SFMBT1: variants seen among roughly 807,000 people sequenced by gnomAD.
SFMBT1 encodes Scm like with four mbt domains 1.
SFMBT1 carries 32 observed loss-of-function variants against 108.7 expected under a neutral mutation model. That is an observed-to-expected ratio of 0.29 (90% CI 0.22 to 0.40). SFMBT1 has a LOEUF of 0.40. Among genes scored for constraint, SFMBT1 ranks in the 10% least tolerant of loss-of-function variants. The pLI, the probability that SFMBT1 is intolerant of heterozygous loss-of-function variation, is 1.00. For missense variants in SFMBT1, 816 were observed against 1,059.6 expected (o/e 0.77, Z 3.19); for synonymous variants, 348 against 369.5 (o/e 0.94, Z 0.67).
chr3:52,915,710 C>A (rs557583788), intron 14 of SFMBT1, among the ~76,000 whole-genome samples: 1 of 152,316 alleles, frequency 6.6e-6, no homozygotes, highest in African/African-American at 2.4e-5. Flanking sequence ...GCCTCTGGGA[C>A]AATTTCTTTT....
chr3:52,947,338 C>T lies in SFMBT1; in HGVS notation c.124-3745G>A, dbSNP rs182669938. On this transcript the variant is annotated intron_variant, in intron 3 of 20. Coordinates refer to ENST00000394752, the MANE Select transcript of SFMBT1 (RefSeq NM_016329.4). ...TTCACCGTGTTGGCCAGGATGGTCT[C>T]GATCTCCTGACCTTGTGATCCGCCC... Among the ~76,000 whole-genome samples the T allele has an allele frequency of 2.3e-3, 348 of 149,890 alleles. 1 individual carries two copies. The highest frequency in any genetic ancestry group is 7.4e-3 in the African/African-American group (303 of 40,816).
intron 1 of SFMBT1, among the ~76,000 whole-genome samples, chr3:53,033,492 G>T (rs570864668): frequency 6.2e-4 from 94 of 151,924 alleles, no homozygotes; most frequent in African/African-American, 2.2e-3. Context: ...TTTTTTTGCA[G>T]CCATTTTTAC....
intron 1 of SFMBT1, among the ~76,000 whole-genome samples, chr3:53,042,344 G>A (rs1700083832): frequency 6.6e-6 from 1 of 152,148 alleles, no homozygotes. Flanking sequence ...ATACTGGGTT[G>A]GTTGGTTTGT....
At chr3:53,020,121 C>T (rs867944555) in intron 1 of SFMBT1, among the ~76,000 whole-genome samples, 36 of 152,060 alleles carry the variant, frequency 2.4e-4, no homozygotes, top group African/African-American at 8.0e-4. Flanking sequence ...AAAAGTAGGC[C>T]GGGCGTGATG....
intron 1 of SFMBT1, among the ~76,000 whole-genome samples, chr3:53,009,668 A>C (rs989829019): frequency 6.6e-6 from 1 of 152,200 alleles, no homozygotes; most frequent in African/African-American, 2.4e-5. Flanking sequence ...CTCACAGGAA[A>C]AAATCTGCAT....
chr3:52,913,426 A>G (rs1575367764), intron 15 of SFMBT1, 52 bp downstream of exon 15: 1 of 1,588,260 alleles, frequency 6.3e-7, no homozygotes, highest in East Asian at 2.2e-5. Flanking sequence ...AAATGACCAT[A>G]GGAGAATGCT....
rs1326251432 is a variant in SFMBT1, at chr3:52,912,594, C to T, written c.1674G>A (p.Glu558=). The T allele has an allele frequency of 6.2e-7, 1 of 1,614,118 alleles. No homozygotes were observed. Among genetic ancestry groups the T allele is most frequent in the South Asian group, 1.1e-5 (1 of 91,076 alleles). The change falls in exon 16 of 21, where the codon GAG becomes GAA. Residue 558 remains glutamate, a synonymous_variant. Transcript: ENST00000394752. ...AAYKPSRVLR[E]LQLDKDSVWH... ...ACACAGAGTCTTTGTCCAGCTGGAG[C>T]TCCCGAAGGACACGGCTGGGTTTGT...
chr3:52,951,676 G>T (rs1703600270), intron 3 of SFMBT1, among the ~76,000 whole-genome samples: 1 of 152,156 alleles, frequency 6.6e-6, no homozygotes, highest in African/African-American at 2.4e-5. Flanking sequence ...TAAATGAATA[G>T]GTTGGGCTAT....
intron 2 of SFMBT1, among the ~76,000 whole-genome samples, chr3:52,963,439 G>T (rs1035112891): frequency 2.0e-5 from 3 of 151,330 alleles, no homozygotes; most frequent in African/African-American, 4.9e-5. Context: ...ATTCCTTTAA[G>T]TAATGTTATT....
chr3:52,921,819 G>T lies in SFMBT1; in HGVS notation c.1144C>A (p.His382Asn), dbSNP rs762124629. The change falls in exon 11 of 21, where the codon CAT becomes AAT. Residue 382 changes from histidine to asparagine, a missense_variant. By Grantham distance (68) the His-to-Asn change is moderately conservative. This residue lies in a region of SFMBT1 where 495 missense variants were observed against 607.4 expected (regional missense o/e 0.81). Coordinates refer to ENST00000394752, the MANE Select transcript of SFMBT1 (RefSeq NM_016329.4). ...AGCTTCATGTTCTCCTTAAATTCAT[G>T]TTCAGAAATTAACTAGAAAATGAAT... ...QRCFPPLISE[H>N]EFKENMKLEA... 3 of 1,613,732 alleles carry T rather than the reference G, an allele frequency of 1.9e-6. No homozygotes were observed. In the South Asian group the frequency reaches 3.3e-5, roughly 18 times the overall value.
At chr3:52,932,846 G>A (rs1027883343) in intron 5 of SFMBT1, among the ~76,000 whole-genome samples, 3 of 152,192 alleles carry the variant, frequency 2.0e-5, no homozygotes, top group African/African-American at 4.8e-5. Flanking sequence ...AGGAGGCAGA[G>A]GTTATGGTGA....
In SFMBT1 at chr3:52,921,474, T is replaced by C. The variant is rs3774347; in HGVS notation, c.1258+231A>G. On this transcript the variant is annotated intron_variant, in intron 11 of 20. Coordinates refer to ENST00000394752, the MANE Select transcript of SFMBT1 (RefSeq NM_016329.4). ...ACTTATGTTTTCCCCTTCCAGAAAA[T>C]AGGGGACTCTGTAGTAAAGAATTTT... Among the ~76,000 whole-genome samples, 683 of 152,266 alleles carry C rather than the reference T, an allele frequency of 4.5e-3. 11 individuals are homozygous for C. In the East Asian group the frequency reaches 0.046, roughly 10 times the overall value.
In SFMBT1 at chr3:52,907,574, G is replaced by A. The variant is rs1702099653; in HGVS notation, c.2066C>T (p.Thr689Ile). The change falls in exon 18 of 21, where the codon ACC becomes ATC. Residue 689 changes from threonine to isoleucine, a missense_variant. Physicochemically the swap from Thr to Ile is moderately conservative, Grantham distance 89. Transcript: ENST00000394752. ...KKRSSASVDN[T>I]PAGSPQGSGG... is the part of the protein sequence containing the mutation. ...TCATACCTGGGGAGAGCCCGCTGGG[G>A]TATTATCAACAGATGCAGAGGAGCG... 1 of 1,613,664 alleles carries A rather than the reference G, an allele frequency of 6.2e-7. No homozygotes were observed. The highest frequency in any genetic ancestry group is 1.3e-5 in the African/African-American group (1 of 74,972).
At chr3:52,908,167 AG>A (rs1209931687) in intron 17 of SFMBT1, among the ~76,000 whole-genome samples, 1 of 144,056 alleles carries the variant, frequency 6.9e-6, no homozygotes, top group African/African-American at 2.6e-5. Flanking sequence ...TCTGCCTCCC[AG>A]GTTCAAGCAA....
chr3:53,029,310 G>A (rs1008463396), intron 1 of SFMBT1, among the ~76,000 whole-genome samples: 3 of 152,060 alleles, frequency 2.0e-5, no homozygotes, highest in Non-Finnish European at 4.4e-5. Flanking sequence ...CGTTATTGAA[G>A]GGTTATAAAT....
intron 17 of SFMBT1, among the ~76,000 whole-genome samples, chr3:52,908,629 C>T (rs1702138455): frequency 6.6e-6 from 1 of 152,066 alleles, no homozygotes; most frequent in Non-Finnish European, 1.5e-5. Flanking sequence ...AGTGCAGTGG[C>T]GTGATCTTGG....
intron 1 of SFMBT1, among the ~76,000 whole-genome samples, chr3:52,989,733 G>A (rs759631324): frequency 6.6e-6 from 1 of 151,674 alleles, no homozygotes; most frequent in Non-Finnish European, 1.5e-5. Context: ...GACAGAGGGT[G>A]CAGTAAGCCA....
Position 52,969,252 on chromosome 3 carries a change from G to C in SFMBT1, c.-124C>G, listed in dbSNP as rs1704261058. ...TCAATGGGTATCCACGGGTCCAAAT[G>C]AAAGTGCTGAAAAATGAAAAAGAAC... is the stretch of plus-strand genomic sequence containing the variant. On this transcript the variant is annotated 5_prime_UTR_variant, in exon 2 of 21. An upstream open reading frame in the 5' UTR gains an earlier in-frame stop. Transcript: ENST00000394752. 3 of 1,518,178 alleles carry C rather than the reference G, an allele frequency of 2.0e-6. No individual in the cohort carries two copies. Among genetic ancestry groups the C allele is most frequent in the Admixed American group, 2.3e-5 (1 of 43,796 alleles). 94.0% of individuals were successfully genotyped at this position (1,518,178 alleles called of 1,614,324 possible).
intron 6 of SFMBT1, among the ~76,000 whole-genome samples, chr3:52,931,841 A>AAAAAC (rs893638178): frequency 3.3e-5 from 5 of 152,184 alleles, no homozygotes; most frequent in South Asian, 2.1e-4. Context: ...CTCTGTCTCA[A>AAAAAC]AAAACAAAAC....
Sources: allele counts gnomAD v4.1 joint callset (sites outside exome capture counted in the v4.1 genomes callset), GRCh38; gene constraint gnomAD v4.1.1; regional missense constraint gnomAD v4.1.1; transcripts MANE v1.5; gene names NCBI Gene and HGNC (gene_info 2026-07-23, HGNC 2026-07-21).